DGKB: variants seen among roughly 807,000 people sequenced by gnomAD.
The protein encoded by DGKB is 90 kDa diacylglycerol kinase.
DGKB carries 67 observed loss-of-function variants against 114.3 expected under a neutral mutation model. The observed-to-expected ratio is 0.59, with a 90% CI of 0.48 to 0.72. The LOEUF (loss-of-function observed/expected upper bound fraction) is 0.72, where lower values mean the gene tolerates loss of function less well. Among genes scored for constraint, DGKB ranks in the 30% least tolerant of loss-of-function variants. The pLI is 0.00. For synonymous variants in DGKB, 398 were observed against 323.1 expected (o/e 1.23, Z -2.49); for missense variants, 907 against 975.2 (o/e 0.93, Z 0.93).
chr7:14,258,924 C>A (rs914851565), intron 23 of DGKB, among the ~76,000 whole-genome samples: 2 of 151,980 alleles, frequency 1.3e-5, no homozygotes, highest in Non-Finnish European at 2.9e-5. Context: ...CACTTTTTTT[C>A]AAAACAGGAA....
chr7:14,245,597 T>C (rs1794351280), intron 23 of DGKB, among the ~76,000 whole-genome samples: 3 of 152,090 alleles, frequency 2.0e-5, no homozygotes, highest in Admixed American at 2.0e-4. Context: ...AGGACAAGTT[T>C]ACCAAGAAAA....
At chr7:14,456,150 T>C (rs540785236) in intron 21 of DGKB, among the ~76,000 whole-genome samples, 17 of 152,162 alleles carry the variant, frequency 1.1e-4, no homozygotes, top group African/African-American at 4.1e-4. Context: ...TATTTTCAGG[T>C]TATGTGTATA....
At chr7:14,771,456 C>G (rs931359255) in intron 2 of DGKB, among the ~76,000 whole-genome samples, 5 of 152,028 alleles carry the variant, frequency 3.3e-5, no homozygotes, top group Non-Finnish European at 7.4e-5. Context: ...GATGTAGTAT[C>G]TAAAGGGGGT....
chr7:14,188,463 A>G (rs2128264661), intron 23 of DGKB, among the ~76,000 whole-genome samples: 1 of 122,150 alleles, frequency 8.2e-6, no homozygotes, highest in East Asian at 2.2e-4. Flanking sequence ...GATCGAGACC[A>G]TCCCGGCTAA....
chr7:14,707,021 T>A (rs1480098968), intron 6 of DGKB, among the ~76,000 whole-genome samples: 1 of 150,760 alleles, frequency 6.6e-6, no homozygotes, highest in African/African-American at 2.5e-5. Context: ...AGTCAATGAA[T>A]CCAGGAGCTG....
At chr7:14,848,829 T>A (rs1848977953) in intron 1 of DGKB, among the ~76,000 whole-genome samples, 1 of 152,118 alleles carries the variant, frequency 6.6e-6, no homozygotes, top group Non-Finnish European at 1.5e-5. Flanking sequence ...AGCTCCCCAA[T>A]GGGCTGGTTG....
At chr7:14,552,009 C>A (rs1584760181) in intron 20 of DGKB, among the ~76,000 whole-genome samples, 1 of 151,862 alleles carries the variant, frequency 6.6e-6, no homozygotes, top group South Asian at 2.1e-4. Flanking sequence ...TAACATATGA[C>A]CTAAAAATCT....
intron 5 of DGKB, among the ~76,000 whole-genome samples, chr7:14,723,281 G>A (rs945169565): frequency 1.3e-5 from 2 of 152,018 alleles, no homozygotes; most frequent in African/African-American, 4.8e-5. Flanking sequence ...AATAGCCTCT[G>A]GTGAGGAAGC....
At chr7:14,196,701 G>T in intron 23 of DGKB, among the ~76,000 whole-genome samples, 1 of 151,884 alleles carries the variant, frequency 6.6e-6, no homozygotes, top group East Asian at 1.9e-4. Context: ...TTAGAAGAGA[G>T]AACTTGCAAC....
chr7:14,834,735 G>C (rs1025582155), intron 2 of DGKB, among the ~76,000 whole-genome samples: 4 of 152,146 alleles, frequency 2.6e-5, no homozygotes, highest in African/African-American at 9.7e-5. Flanking sequence ...GACATGGCAT[G>C]ATTTGGCTCA....
intron 2 of DGKB, among the ~76,000 whole-genome samples, chr7:14,825,012 G>GTATT (rs1232898169): frequency 4.9e-5 from 3 of 60,846 alleles, no homozygotes; most frequent in East Asian, 1.0e-3. Context: ...ATATGTATGT[G>GTATT]TATGTATATA....
rs1329374023 is a variant in DGKB, at chr7:14,835,576, G to A, written c.70+5618C>T. On this transcript the variant is annotated intron_variant, in intron 2 of 25. Coordinates refer to ENST00000402815, the MANE Select transcript of DGKB (RefSeq NM_001350709.2). ...CCAAAATAGAGCCAATCTAACACAG[G>A]GCTCAGGACAGAAGTAAAAGCTAAT... Among the ~76,000 whole-genome samples, 3 of 152,100 alleles carry A rather than the reference G, an allele frequency of 2.0e-5. No individual in the cohort carries two copies. In the South Asian group the frequency reaches 6.2e-4, roughly 32 times the overall value.
chr7:14,834,397 C>T (rs1846857635), intron 2 of DGKB, among the ~76,000 whole-genome samples: 1 of 152,130 alleles, frequency 6.6e-6, no homozygotes, highest in African/African-American at 2.4e-5. Context: ...GCTCAGTTCT[C>T]CCCTGGCACT....
At chr7:14,867,851 A>C (rs1268766949) in intron 1 of DGKB, among the ~76,000 whole-genome samples, 5 of 152,172 alleles carry the variant, frequency 3.3e-5, no homozygotes, top group Admixed American at 3.3e-4. Flanking sequence ...ATTTTAACTG[A>C]GGTATCTGCC....
intron 20 of DGKB, among the ~76,000 whole-genome samples, chr7:14,509,417 C>A (rs1821099): frequency 0.078 from 11,858 of 152,064 alleles, 874 homozygotes; most frequent in East Asian, 0.43. Context: ...AGATAACACT[C>A]CCTTGAAGCA....
rs533608367 is a variant in DGKB at position 14,148,598 on chromosome 7, A to G, written c.*533T>C. The stretch of plus-strand genomic sequence containing the variant: ...AAGATGTTGAAGAAAAACTATGTAT[A>G]TATAGCAAGGTATTGTAGTCAACTA... On this transcript the variant is annotated 3_prime_UTR_variant, in exon 26 of 26. Coordinates refer to ENST00000402815, the MANE Select transcript of DGKB (RefSeq NM_001350709.2). 6.5e-6 allele frequency: 1 copy of G among 153,696 alleles called. No homozygotes were observed. The highest frequency in any genetic ancestry group is 2.4e-5 in the African/African-American group (1 of 41,600). 9.5% of individuals were successfully genotyped at this position (153,696 alleles called of 1,614,324 possible). A position where few individuals can be genotyped will look rare whatever the true frequency, so the allele number is the denominator to read the frequency against.
chr7:14,196,230 G>A (rs1785005936), intron 23 of DGKB, among the ~76,000 whole-genome samples: 1 of 152,066 alleles, frequency 6.6e-6, no homozygotes, highest in South Asian at 2.1e-4. Flanking sequence ...ATTGTCGAAA[G>A]CACTAAACAC....
At chr7:14,745,962 G>T (rs1586174537) in intron 4 of DGKB, among the ~76,000 whole-genome samples, 1 of 152,104 alleles carries the variant, frequency 6.6e-6, no homozygotes, top group African/African-American at 2.4e-5. Context: ...AATTTCTAAA[G>T]TATAGTTCTC....
chr7:14,526,482 T>C lies in DGKB; in HGVS notation c.1770+47730A>G, dbSNP rs140911326. On this transcript the variant is annotated intron_variant, in intron 20 of 25. Transcript: ENST00000402815. ...TAAATTTTAATTACTTTCCAAAAGA[T>C]TACAGCTCAAACAATGGGAAGAGTC... Among the ~76,000 whole-genome samples the C allele has an allele frequency of 5.3e-5, 8 of 152,148 alleles. No individual in the cohort carries two copies. The East Asian group carries it at 1.5e-3, about 29-fold the overall frequency.
Sources: allele counts gnomAD v4.1 joint callset (sites outside exome capture counted in the v4.1 genomes callset), GRCh38; gene constraint gnomAD v4.1.1; transcripts MANE v1.5; gene names NCBI Gene and HGNC (gene_info 2026-07-23, HGNC 2026-07-21).